The following LHFPL3 variants were observed in gnomAD, a reference collection of about 807,000 sequenced individuals.
LHFPL3 encodes LHFPL tetraspan subfamily member 3 protein.
A neutral mutation model predicts 19.3 loss-of-function variants in LHFPL3; 5 were observed. The ratio of observed to expected loss-of-function variants is 0.26; its 90% CI spans 0.14 to 0.54. LHFPL3 has a LOEUF of 0.54. Among genes scored for constraint, LHFPL3 ranks in the 20% least tolerant of loss-of-function variants. LHFPL3 has a pLI of 0.94. For missense variants in LHFPL3, 249 were observed against 307.4 expected, an observed-to-expected ratio of 0.81 and a Z score of 1.42; for synonymous variants, 133 against 126.2, an observed-to-expected ratio of 1.05 and a Z score of -0.36.
chr7:104,592,420 C>T (rs1041795046), intron 1 of LHFPL3, among the ~76,000 whole-genome samples: 3 of 151,458 alleles, frequency 2.0e-5, no homozygotes, highest in African/African-American at 4.9e-5. Flanking sequence ...GTATCACCAG[C>T]GGAGGCTGCA....
intron 2 of LHFPL3, among the ~76,000 whole-genome samples, chr7:104,859,394 C>T (rs1171823818): frequency 6.6e-6 from 1 of 152,100 alleles, no homozygotes; most frequent in Non-Finnish European, 1.5e-5. Context: ...GTAGGCCAGG[C>T]ATGGTGGCTC....
At chr7:104,782,482 C>G (rs1055334754) in intron 2 of LHFPL3, among the ~76,000 whole-genome samples, 1 of 152,158 alleles carries the variant, frequency 6.6e-6, no homozygotes, top group African/African-American at 2.4e-5. Flanking sequence ...CAACCTTCTT[C>G]TCTTCAACAA....
chr7:104,550,277 G>A (rs555530512), intron 1 of LHFPL3, among the ~76,000 whole-genome samples: 16 of 152,084 alleles, frequency 1.1e-4, no homozygotes, highest in African/African-American at 3.6e-4. Flanking sequence ...AATAATGCCT[G>A]ACCAAATACC....
intron 2 of LHFPL3, among the ~76,000 whole-genome samples, chr7:104,741,337 T>C (rs1793932730): frequency 6.6e-6 from 1 of 152,026 alleles, no homozygotes; most frequent in African/African-American, 2.4e-5. Flanking sequence ...ATTAAAAATG[T>C]ACTTTCATGA....
intron 1 of LHFPL3, among the ~76,000 whole-genome samples, chr7:104,518,610 C>G (rs1229844286): frequency 2.0e-5 from 3 of 152,106 alleles, no homozygotes; most frequent in Non-Finnish European, 4.4e-5. Flanking sequence ...ATGGCGAAAC[C>G]CTGTCTCCAT....
chr7:104,481,986 A>G (rs925621845), intron 1 of LHFPL3, among the ~76,000 whole-genome samples: 6 of 152,136 alleles, frequency 3.9e-5, no homozygotes, highest in African/African-American at 1.4e-4. Context: ...TTGCCTGCTA[A>G]TGGCTCTCAG....
intron 1 of LHFPL3, among the ~76,000 whole-genome samples, chr7:104,370,105 G>T (rs978417660): frequency 3.3e-5 from 5 of 152,184 alleles, no homozygotes; most frequent in Non-Finnish European, 5.9e-5. Context: ...GTAGGAAGCA[G>T]ATAAAACCTC....
intron 1 of LHFPL3, chr7:104,668,728 C>A (rs113764928): frequency 5.3e-5 from 84 of 1,581,416 alleles, no homozygotes; most frequent in Admixed American, 3.7e-4. Flanking sequence ...CCCCCCCCCC[C>A]CAAAGACCCA....
chr7:104,538,519 A>G lies in LHFPL3; in HGVS notation c.446-198156A>G, dbSNP rs575996676. On this transcript the variant is annotated intron_variant, in intron 1 of 2. Transcript: ENST00000424859. ...ATCGTCTGAAAGGTATGTCAGAATA[A>G]CACGTTTTCCACAGGGTGGCCATCC... is the stretch of plus-strand genomic sequence containing the variant. Among the ~76,000 whole-genome samples the G allele has an allele frequency of 5.3e-5, 8 of 152,348 alleles. No homozygotes were observed. The East Asian group carries it at 1.5e-3, about 29-fold the overall frequency.
chr7:104,592,724 G>A (rs958913518), intron 1 of LHFPL3, among the ~76,000 whole-genome samples: 10 of 152,132 alleles, frequency 6.6e-5, no homozygotes, highest in East Asian at 1.9e-4. Flanking sequence ...GAGGCAGGCC[G>A]GCCTCCTTGA....
chr7:104,733,998 T>C (rs991527920), intron 1 of LHFPL3, among the ~76,000 whole-genome samples: 4 of 152,204 alleles, frequency 2.6e-5, no homozygotes, highest in African/African-American at 9.6e-5. Context: ...TTTGGCTGGA[T>C]ATGAAATTCT....
intron 1 of LHFPL3, among the ~76,000 whole-genome samples, chr7:104,428,067 A>G (rs1001156908): frequency 2.0e-5 from 3 of 152,216 alleles, no homozygotes; most frequent in African/African-American, 7.2e-5. Context: ...GGGTAATGGT[A>G]ACATTTCACC....
rs1792658945 is a variant in LHFPL3 at position 104,908,343 on chromosome 7, G to A, written c.*2128G>A. ...CCATTTGTATATAGGTAATACACAT[G>A]TAAATCACTAATTGTTAATTAAATA... On this transcript the variant is annotated 3_prime_UTR_variant, in exon 3 of 3. Coordinates refer to ENST00000424859, the MANE Select transcript of LHFPL3 (RefSeq NM_199000.3). Among the ~76,000 whole-genome samples the A allele has an allele frequency of 6.6e-6, 1 of 151,942 alleles. No individual in the cohort carries two copies. Among genetic ancestry groups the A allele is most frequent in the African/African-American group, 2.4e-5 (1 of 41,366 alleles).
rs190051895 is a variant in LHFPL3 at position 104,471,997 on chromosome 7, A to G, written c.445+142773A>G. On this transcript the variant is annotated intron_variant, in intron 1 of 2. Coordinates refer to ENST00000424859, the MANE Select transcript of LHFPL3 (RefSeq NM_199000.3). ...GTTCAAGATCAGCCTGGGCAACATA[A>G]TGAGAACCTGTGTCTAGAAAAAGTT... 8.5e-5 allele frequency among the ~76,000 whole-genome samples: 13 copies of G among 152,104 alleles called. No individual in the cohort carries two copies. The East Asian group carries it at 2.3e-3, about 27-fold the overall frequency.
At chr7:104,426,117 C>A (rs944999329) in intron 1 of LHFPL3, among the ~76,000 whole-genome samples, 1 of 152,150 alleles carries the variant, frequency 6.6e-6, no homozygotes, top group Non-Finnish European at 1.5e-5. Flanking sequence ...CTACTTTGTC[C>A]ATTTACACAT....
At chr7:104,808,335 C>T (rs1202668436) in intron 2 of LHFPL3, among the ~76,000 whole-genome samples, 1 of 152,228 alleles carries the variant, frequency 6.6e-6, no homozygotes, top group East Asian at 1.9e-4. Flanking sequence ...TTATTAATCT[C>T]ATTTCAAAAA....
chr7:104,878,796 T>G (rs1791994150), intron 2 of LHFPL3, among the ~76,000 whole-genome samples: 1 of 152,146 alleles, frequency 6.6e-6, no homozygotes, highest in African/African-American at 2.4e-5. Flanking sequence ...AAGAAAAACT[T>G]CTTGAAGGAA....
Position 104,403,725 on chromosome 7 carries a change from T to TTCTCTCTCTCTCTC in LHFPL3, c.445+74522_445+74535dup, listed in dbSNP as rs71786184. Among the ~76,000 whole-genome samples, 866 of 143,690 alleles carry TTCTCTCTCTCTCTC rather than the reference T, an allele frequency of 6.0e-3. 14 individuals carry two copies. The highest frequency in any genetic ancestry group is 0.021 in the African/African-American group (811 of 38,150). The allele number at this position is 143,690 out of a possible 152,430, so 94.3% of individuals were successfully genotyped here. ...AATCTAATCATGTCCTTAGTGAACA[T>TTCTCTCTCTCTCTC]TCTCTCTCTCTCTCTCTCTCTCTCT... is the stretch of plus-strand genomic sequence containing the variant. On this transcript the variant is annotated intron_variant, in intron 1 of 2. Transcript: ENST00000424859.
At chr7:104,600,825 A>C (rs1042911159) in intron 1 of LHFPL3, among the ~76,000 whole-genome samples, 2 of 152,180 alleles carry the variant, frequency 1.3e-5, no homozygotes, top group African/African-American at 2.4e-5. Flanking sequence ...AGGTGCATGG[A>C]GGTGATGTAG....
Sources: allele counts gnomAD v4.1 joint callset (sites outside exome capture counted in the v4.1 genomes callset), GRCh38; gene constraint gnomAD v4.1.1; transcripts MANE v1.5; gene names NCBI Gene and HGNC (gene_info 2026-07-23, HGNC 2026-07-21).